Variants in CHD7 observed in about 807,000 individuals in gnomAD.
The protein encoded by CHD7 is chromodomain helicase DNA binding protein 7.
A neutral mutation model predicts 307.3 loss-of-function variants in CHD7; 24 were observed. That is an observed-to-expected ratio of 0.08 (90% CI 0.06 to 0.11). The LOEUF is 0.11. Ranked by LOEUF, CHD7 falls within the 10% of genes least tolerant of loss-of-function variation. The pLI is 1.00. For synonymous variants in CHD7, 1,363 were observed against 1,349.9 expected (o/e 1.01, Z -0.21); for missense variants, 3,106 against 3,727.1 (o/e 0.83, Z 4.34).
intron 2 of CHD7, among the ~76,000 whole-genome samples, chr8:60,761,802 T>C (rs1034939000): frequency 6.6e-6 from 1 of 152,152 alleles, no homozygotes. Flanking sequence ...AATAGATTAA[T>C]TAATTAATCA....
chr8:60,827,248 T>TA lies in CHD7; in HGVS notation c.3379-1402dup, dbSNP rs11323480. 2.4e-3 allele frequency among the ~76,000 whole-genome samples: 333 copies of TA among 138,526 alleles called. 1 individual carries two copies. The highest frequency in any genetic ancestry group is 3.7e-3 in the Admixed American group (51 of 13,772). The allele number at this position is 138,526 out of a possible 152,430, so 90.9% of individuals were successfully genotyped here. A position where few individuals can be genotyped will look rare whatever the true frequency, so the allele number is the denominator to read the frequency against. ...ATGTACCCTAAAACTTAAAGTATAA[T>TA]AAAAAAAAAAAAAGAAAGGAGTTCT... On this transcript the variant is annotated intron_variant, in intron 13 of 37. Transcript: ENST00000423902.
intron 1 of CHD7, among the ~76,000 whole-genome samples, chr8:60,680,638 T>G (rs1224751745): frequency 6.6e-6 from 1 of 152,166 alleles, no homozygotes; most frequent in African/African-American, 2.4e-5. Flanking sequence ...GCTCCTGCTA[T>G]GGGTCGGACT....
intron 1 of CHD7, among the ~76,000 whole-genome samples, chr8:60,731,120 A>T (rs1275770136): frequency 2.0e-5 from 3 of 152,206 alleles, no homozygotes; most frequent in African/African-American, 7.2e-5. Flanking sequence ...ATTTTACTTC[A>T]GAATGGCCCC....
At chr8:60,802,252 C>T (rs1458237011) in intron 6 of CHD7, among the ~76,000 whole-genome samples, 4 of 152,156 alleles carry the variant, frequency 2.6e-5, no homozygotes, top group East Asian at 1.9e-4. Flanking sequence ...AGTGACATAC[C>T]GTGTTTTCTT....
At chr8:60,840,450 G>A (rs952384528) in intron 19 of CHD7, among the ~76,000 whole-genome samples, 6 of 152,122 alleles carry the variant, frequency 3.9e-5, no homozygotes, top group Admixed American at 3.3e-4. Context: ...TCTGGCTTCC[G>A]CTTCTTTCAT....
At chr8:60,732,618 A>G (rs764809921) in intron 1 of CHD7, among the ~76,000 whole-genome samples, 1 of 152,172 alleles carries the variant, frequency 6.6e-6, no homozygotes, top group Non-Finnish European at 1.5e-5. Context: ...ATCTTTCCTA[A>G]TGGTGATTTT....
At chr8:60,773,250 T>C (rs1016001770) in intron 2 of CHD7, among the ~76,000 whole-genome samples, 2 of 152,236 alleles carry the variant, frequency 1.3e-5, no homozygotes, top group African/African-American at 2.4e-5. Flanking sequence ...GTGGTTTTTG[T>C]TTCTTCCCTG....
At chr8:60,820,275 T>C (rs1364444904) in intron 9 of CHD7, among the ~76,000 whole-genome samples, 185 bp downstream of exon 9, 1 of 152,250 alleles carries the variant, frequency 6.6e-6, no homozygotes, top group Non-Finnish European at 1.5e-5. Context: ...GTGCTAAATA[T>C]GTTTTATGTT....
chr8:60,829,814 A>G (rs1804419005), intron 14 of CHD7, among the ~76,000 whole-genome samples: 1 of 152,196 alleles, frequency 6.6e-6, no homozygotes, highest in South Asian at 2.1e-4. Flanking sequence ...TTCTAAAATA[A>G]AAACTGTATG....
chr8:60,854,614 G>C (rs1429592156), intron 32 of CHD7, 91 bp downstream of exon 32: 3 of 1,228,468 alleles, frequency 2.4e-6, no homozygotes, highest in East Asian at 4.8e-5. Context: ...GTAATTTTAA[G>C]GTAAACTTTT....
intron 34 of CHD7, among the ~76,000 whole-genome samples, chr8:60,858,794 G>A (rs1805833428): frequency 6.6e-6 from 1 of 152,098 alleles, no homozygotes. Flanking sequence ...ATTTTTGGTG[G>A]GGACGGGGTT....
chr8:60,822,083 T>C lies in CHD7; in HGVS notation c.2895T>C (p.Asn965=). 6.2e-7 allele frequency: 1 copy of C among 1,613,796 alleles called. No individual in the cohort carries two copies. The highest frequency in any genetic ancestry group is 8.5e-7 in the Non-Finnish European group (1 of 1,179,744). The change falls in exon 11 of 38, where the codon AAT becomes AAC. Residue 965 remains asparagine, a synonymous_variant. Coordinates refer to ENST00000423902, the MANE Select transcript of CHD7 (RefSeq NM_017780.4). ...AGAGTTCCAGGGAGTATAAAAACAA[T>C]AACAAACTCAGGGAATACCAGTTGG... ...KSESSREYKN[N]NKLREYQLEG...
At chr8:60,817,728 G>A (rs1388480535) in intron 8 of CHD7, among the ~76,000 whole-genome samples, 2 of 152,178 alleles carry the variant, frequency 1.3e-5, no homozygotes, top group Admixed American at 1.3e-4. Flanking sequence ...TTGATTTTGA[G>A]GACAATGCTG....
intron 1 of CHD7, among the ~76,000 whole-genome samples, chr8:60,716,701 A>G (rs915860337): frequency 6.6e-6 from 1 of 152,196 alleles, no homozygotes; most frequent in African/African-American, 2.4e-5. Context: ...TCTCTCCACA[A>G]ACAAAGCTTA....
intron 2 of CHD7, among the ~76,000 whole-genome samples, chr8:60,768,752 G>A (rs1434975906): frequency 1.3e-5 from 2 of 152,010 alleles, no homozygotes; most frequent in Admixed American, 1.3e-4. Context: ...GGTCAGTACT[G>A]GACTAGATAT....
intron 1 of CHD7, among the ~76,000 whole-genome samples, chr8:60,715,787 G>A (rs1226590064): frequency 2.0e-5 from 3 of 151,616 alleles, no homozygotes; most frequent in Non-Finnish European, 4.4e-5. Flanking sequence ...AAAACAAAAC[G>A]TCAAGTTACA....
intron 4 of CHD7, 42 bp downstream of exon 4, chr8:60,795,169 A>G (rs375278679): frequency 3.5e-5 from 56 of 1,595,172 alleles, no homozygotes; most frequent in Middle Eastern, 3.3e-4. Context: ...GTTATTTGGC[A>G]TGGGTAACTT....
intron 14 of CHD7, among the ~76,000 whole-genome samples, chr8:60,829,380 A>G (rs759490724): frequency 6.6e-6 from 1 of 152,204 alleles, no homozygotes; most frequent in Non-Finnish European, 1.5e-5. Context: ...CAGGCGGATC[A>G]CGAGGTCAGG....
Position 60,820,149 on chromosome 8 carries a change from A to G in CHD7, c.2697+59A>G, listed in dbSNP as rs1319340439. 4 of 1,121,492 alleles carry G rather than the reference A, an allele frequency of 3.6e-6. No individual in the cohort carries two copies. In the Admixed American group the frequency reaches 7.9e-5, roughly 22 times the overall value. The allele number at this position is 1,121,492 out of a possible 1,614,324, so 69.5% of individuals were successfully genotyped here. Reference sequence around the variant, plus strand: ...ATTCAGGCAACCCATACATGTTTATAGAGAAGATGGTAGAATCCTAGACCT... The same window carrying G: ...ATTCAGGCAACCCATACATGTTTATGGAGAAGATGGTAGAATCCTAGACCT... On this transcript the variant is annotated intron_variant, in intron 9 of 37. Coordinates refer to ENST00000423902, the MANE Select transcript of CHD7 (RefSeq NM_017780.4).
Sources: gnomAD v4.1 joint callset for allele counts (sites outside exome capture counted in the v4.1 genomes callset) on GRCh38, gnomAD v4.1.1 for gene constraint, MANE v1.5 for transcripts, NCBI Gene and HGNC (gene_info 2026-07-23, HGNC 2026-07-21) for gene names.